Variants in SCYL3 observed in about 807,000 individuals in gnomAD.
SCYL3 encodes SCY1 like pseudokinase 3, also known as protein-associating with the carboxyl-terminal domain of ezrin.
SCYL3 carries 35 observed loss-of-function variants against 73.8 expected under a neutral mutation model. The observed-to-expected ratio is 0.47, with a 90% CI of 0.36 to 0.63. The LOEUF (loss-of-function observed/expected upper bound fraction) is 0.63. SCYL3 is among the 20% of genes least tolerant of loss of function. The pLI is 0.00. For missense variants in SCYL3, 712 were observed against 798.9 expected, an observed-to-expected ratio of 0.89 and a Z score of 1.31; for synonymous variants, 277 against 295.2, an observed-to-expected ratio of 0.94 and a Z score of 0.63.
intron 3 of SCYL3, among the ~76,000 whole-genome samples, chr1:169,876,828 G>A (rs757115455): frequency 2.6e-5 from 4 of 151,764 alleles, no homozygotes; most frequent in South Asian, 2.1e-4. Context: ...GGTGGCGGGC[G>A]CCTGTAGTCC....
intron 8 of SCYL3, among the ~76,000 whole-genome samples, 171 bp from the exon 9 acceptor site, chr1:169,864,679 G>A (rs1659902374): frequency 6.6e-6 from 1 of 152,166 alleles, no homozygotes; most frequent in Admixed American, 6.5e-5. Context: ...AAAATGCGTG[G>A]CTGGGTGCAG....
At position 169,888,959 on chromosome 1, in the gene SCYL3, A is replaced by G. The variant is rs1056366891; in HGVS notation, c.-50-69T>C. On this transcript the variant is annotated intron_variant, in intron 1 of 12. Coordinates refer to ENST00000367771, the MANE Select transcript of SCYL3 (RefSeq NM_020423.7). The stretch of plus-strand genomic sequence containing the variant: ...TGCAACATCAACAAGAGATATCCAG[A>G]CATAGCCACCCCAAACTACTAGTTT... 1.4e-5 allele frequency: 12 copies of G among 838,712 alleles called. No homozygotes were observed. The African/African-American group carries it at 1.9e-4, about 13-fold the overall frequency. The allele number at this position is 838,712 out of a possible 1,614,324, so 52.0% of individuals were successfully genotyped here. A position where few individuals can be genotyped will look rare whatever the true frequency, so the allele number is the denominator to read the frequency against.
chr1:169,853,841 G>T (rs1057514028), intron 12 of SCYL3, 69 bp from the exon 13 acceptor site: 1 of 1,545,728 alleles, frequency 6.5e-7, no homozygotes, highest in African/African-American at 1.4e-5. Flanking sequence ...ACGCAAATTT[G>T]AAAAAGCAGG....
intron 11 of SCYL3, 136 bp downstream of exon 11, chr1:169,858,905 T>G: frequency 1.3e-6 from 1 of 752,184 alleles, no homozygotes. Context: ...CCCGAGAAGT[T>G]CAGAAAGAGA....
chr1:169,875,596 A>C (rs528878955), intron 4 of SCYL3, among the ~76,000 whole-genome samples: 1 of 152,354 alleles, frequency 6.6e-6, no homozygotes, highest in South Asian at 2.1e-4. Context: ...TAAAGATAAG[A>C]GACTCACACC....
rs1225968542 is a variant in SCYL3, at chr1:169,852,386, A to G, written c.*1327T>C. ...GGATATTCAAAATATTGTTTTGAGC[A>G]CTATTAGTATAGTAATTAGTATAGT... On this transcript the variant is annotated 3_prime_UTR_variant, in exon 13 of 13. Transcript: ENST00000367771. 3.6e-6 allele frequency: 1 copy of G among 274,554 alleles called. No individual in the cohort carries two copies. The highest frequency in any genetic ancestry group is 1.0e-4 in the East Asian group (1 of 9,902). The allele number at this position is 274,554 out of a possible 1,614,324, so 17.0% of individuals were successfully genotyped here. A position where few individuals can be genotyped will look rare whatever the true frequency, so the allele number is the denominator to read the frequency against.
chr1:169,853,926 G>T, intron 12 of SCYL3, 154 bp from the exon 13 acceptor site: 1 of 817,974 alleles, frequency 1.2e-6, no homozygotes. Flanking sequence ...CTAACAGAAA[G>T]TTGAAAAGTA....
chr1:169,881,666 T>A (rs149749393), intron 2 of SCYL3, among the ~76,000 whole-genome samples: 1 of 152,298 alleles, frequency 6.6e-6, no homozygotes, highest in East Asian at 1.9e-4. Context: ...TTTTTTAGAT[T>A]CCACATGAGT....
intron 2 of SCYL3, among the ~76,000 whole-genome samples, chr1:169,882,989 G>A (rs1030094963): frequency 3.9e-5 from 6 of 152,122 alleles, no homozygotes; most frequent in East Asian, 1.9e-4. Flanking sequence ...TTGTCCTTTC[G>A]CTCTTTGCAA....
Position 169,853,261 on chromosome 1 carries a change from G to T in SCYL3, c.*452C>A. Reference sequence around the variant, plus strand: ...TAAACAAATAAATAAGCTGCCTAAGGAAACCTCAGCAATTTAAAATCATTT... The same window carrying T: ...TAAACAAATAAATAAGCTGCCTAAGTAAACCTCAGCAATTTAAAATCATTT... On this transcript the variant is annotated 3_prime_UTR_variant, in exon 13 of 13. Transcript: ENST00000367771. 2.4e-6 allele frequency: 1 copy of T among 413,962 alleles called. No homozygotes were observed. Among genetic ancestry groups the T allele is most frequent in the Non-Finnish European group, 4.3e-6 (1 of 233,828 alleles). The allele number at this position is 413,962 out of a possible 1,614,324, so 25.6% of individuals were successfully genotyped here.
intron 11 of SCYL3, 110 bp from the exon 12 acceptor site, chr1:169,855,074 A>C (rs1480782052): frequency 1.4e-6 from 1 of 717,366 alleles, no homozygotes; most frequent in East Asian, 2.7e-5. Flanking sequence ...TTACTTGGAA[A>C]TATCCATGCA....
intron 8 of SCYL3, among the ~76,000 whole-genome samples, chr1:169,866,084 C>CT (rs1247865963): frequency 6.6e-6 from 1 of 152,242 alleles, no homozygotes; most frequent in Non-Finnish European, 1.5e-5. Flanking sequence ...ATGTATATCT[C>CT]TATCTAAAGT....
chr1:169,860,730 A>G (rs1182416199), intron 10 of SCYL3, among the ~76,000 whole-genome samples: 2 of 152,202 alleles, frequency 1.3e-5, no homozygotes, highest in East Asian at 1.9e-4. Context: ...GGTCATCCTC[A>G]ACACCTCTTC....
At chr1:169,871,541 G>A (rs993790493) in intron 5 of SCYL3, among the ~76,000 whole-genome samples, 9 of 152,188 alleles carry the variant, frequency 5.9e-5, no homozygotes, top group African/African-American at 2.2e-4. Context: ...CAGTAGAGTG[G>A]GGCGTTGCTG....
chr1:169,887,041 A>C (rs891708015), intron 2 of SCYL3, among the ~76,000 whole-genome samples: 5 of 152,230 alleles, frequency 3.3e-5, no homozygotes, highest in Non-Finnish European at 5.9e-5. Context: ...CCTAAAATCT[A>C]GCACATCGAA....
chr1:169,850,124 A>T lies in SCYL3; in HGVS notation c.*3589T>A. On this transcript the variant is annotated 3_prime_UTR_variant, in exon 13 of 13. Coordinates refer to ENST00000367771, the MANE Select transcript of SCYL3 (RefSeq NM_020423.7). Reference sequence around the variant, plus strand: ...TATCCTTAGGGACCCTGAAGGAATCATGAGTTTATCACCTTTGAGGATCCT... The same window carrying T: ...TATCCTTAGGGACCCTGAAGGAATCTTGAGTTTATCACCTTTGAGGATCCT... 2 of 608,018 alleles carry T rather than the reference A, an allele frequency of 3.3e-6. No individual in the cohort carries two copies. The highest frequency in any genetic ancestry group is 5.5e-5 in the East Asian group (2 of 36,258). The allele number at this position is 608,018 out of a possible 1,614,324, so 37.7% of individuals were successfully genotyped here. A position where few individuals can be genotyped will look rare whatever the true frequency, so the allele number is the denominator to read the frequency against.
intron 1 of SCYL3, among the ~76,000 whole-genome samples, chr1:169,890,782 C>CA (rs749555516): frequency 2.0e-5 from 3 of 152,250 alleles, no homozygotes; most frequent in South Asian, 4.1e-4. Flanking sequence ...GACAGAGAAG[C>CA]AAAAAACAGT....
chr1:169,862,877 G>A (rs1659765020), intron 9 of SCYL3, 80 bp from the exon 10 acceptor site: 3 of 1,346,616 alleles, frequency 2.2e-6, no homozygotes, highest in African/African-American at 2.9e-5. Flanking sequence ...TTCATACACT[G>A]AACCCAAAAC....
chr1:169,853,114 C>T lies in SCYL3; in HGVS notation c.*599G>A, dbSNP rs1210903413. On this transcript the variant is annotated 3_prime_UTR_variant, in exon 13 of 13. Transcript: ENST00000367771. ...TCTAGTGAAAATAATCTTTATTTGA[C>T]ATTTAGAGAACAGGATTGTGGGGAA... The T allele has an allele frequency of 3.4e-6, 3 of 869,856 alleles. No homozygotes were observed. The highest frequency in any genetic ancestry group is 2.5e-5 in the Admixed American group (1 of 39,552). 53.9% of individuals were successfully genotyped at this position (869,856 alleles called of 1,614,324 possible).
Sources: allele counts gnomAD v4.1 joint callset (sites outside exome capture counted in the v4.1 genomes callset), GRCh38; gene constraint gnomAD v4.1.1; transcripts MANE v1.5; gene names NCBI Gene and HGNC (gene_info 2026-07-23, HGNC 2026-07-21).